The following SLC23A1 variants were observed in gnomAD, a reference collection of about 807,000 sequenced individuals.
SLC23A1 encodes the protein solute carrier family 23 member 1.
A neutral mutation model predicts 62.5 loss-of-function variants in SLC23A1; 31 were observed. The observed-to-expected ratio is 0.50, with a 90% CI of 0.37 to 0.67. SLC23A1 has a LOEUF of 0.67. Among genes scored for constraint, SLC23A1 ranks in the 30% least tolerant of loss-of-function variants. The pLI is 0.00. For synonymous variants in SLC23A1, 271 were observed against 313.2 expected, an observed-to-expected ratio of 0.87 and a Z score of 1.42; for missense variants, 640 against 782.7, an observed-to-expected ratio of 0.82 and a Z score of 2.18.
chr5:139,375,046 C>T (rs770187523), intron 13 of SLC23A1, among the ~76,000 whole-genome samples: 1 of 152,234 alleles, frequency 6.6e-6, no homozygotes, highest in African/African-American at 2.4e-5. Flanking sequence ...TGGCCCTCCT[C>T]TGTCCTCCCC....
chr5:139,384,904 A>G (rs1288501774), upstream of SLC23A1, among the ~76,000 whole-genome samples: 2 of 152,160 alleles, frequency 1.3e-5, no homozygotes, highest in South Asian at 4.1e-4. Flanking sequence ...AGTGAAGGCC[A>G]CGGATGGTGG....
chr5:139,371,018 G>T (rs959775126), intron 14 of SLC23A1, among the ~76,000 whole-genome samples: 5 of 151,922 alleles, frequency 3.3e-5, no homozygotes, highest in Non-Finnish European at 7.4e-5. Flanking sequence ...GGAGGTGGAG[G>T]TTGCAGTGAG....
At chr5:139,380,712 C>T (rs190748656) in intron 4 of SLC23A1, 80 bp from the exon 5 acceptor site, 25 of 1,463,460 alleles carry the variant, frequency 1.7e-5, no homozygotes, top group African/African-American at 1.2e-4. Flanking sequence ...TGGCTGCACC[C>T]TGGTGTTGAC....
Position 139,379,799 on chromosome 5 carries a change from G to A in SLC23A1, c.804C>T (p.Cys268=), listed in dbSNP as rs762141635. 6.2e-6 allele frequency: 10 copies of A among 1,614,048 alleles called. No individual in the cohort carries two copies. The East Asian group carries it at 2.2e-4, about 36-fold the overall frequency. Residue 268 remains cysteine, a synonymous_variant, in exon 8 of 15, where the codon TGC becomes TGT. Transcript: ENST00000348729. The surrounding 1 kb of genome is among the most constrained non-coding windows in gnomAD (Gnocchi z 4.7). ...GCACGTCTGTCAAGGTCAGGACATA[G>A]CAGAGCAGCCACACGGTCATGATGG... is the stretch of plus-strand genomic sequence containing the variant. ...MLAIMTVWLL[C]YVLTLTDVLP... is the part of the protein sequence containing the mutation.
At position 139,379,280 on chromosome 5, in the gene SLC23A1, CAAT is replaced by C. The variant is rs748892606; in HGVS notation, c.997_999del (p.Ile333del). On this transcript the variant is annotated inframe_deletion, in exon 9 of 15. Coordinates refer to ENST00000348729, the MANE Select transcript of SLC23A1 (RefSeq NM_005847.5). The surrounding 1 kb of genome is among the most constrained non-coding windows in gnomAD (Gnocchi z 4.7). ...CAGGCGTAGTAATCTCCGATGGACT[CAAT>C]GATGCCTGCCAGAGTGGCGCTGAAC... is the stretch of plus-strand genomic sequence containing the variant. 8.1e-6 allele frequency: 13 copies of C among 1,614,066 alleles called. No homozygotes were observed. The highest frequency in any genetic ancestry group is 1.1e-5 in the South Asian group (1 of 91,096).
In SLC23A1 at chr5:139,372,252, C is replaced by T; in HGVS notation, c.1551G>A (p.Gly517=). ...GTATCAGACCACGCTCCTCTGGGCT[C>T]CCTGGAAGAGGATAGTGAGGTCATT... is the stretch of plus-strand genomic sequence containing the variant. ...LAFILDNTVP[G]SPEERGLIQW... is the part of the protein sequence containing the mutation. Residue 517 remains glycine, a splice_region_variant and synonymous_variant, in exon 14 of 15, where the codon GGG becomes GGA. Transcript: ENST00000348729. 6.2e-7 allele frequency: 1 copy of T among 1,612,322 alleles called. No individual in the cohort carries two copies. Among genetic ancestry groups the T allele is most frequent in the Non-Finnish European group, 8.5e-7 (1 of 1,178,996 alleles).
chr5:139,378,629 T>A lies in SLC23A1; in HGVS notation c.1129A>T (p.Asn377Tyr). Residue 377 changes from asparagine to tyrosine, a missense_variant, in exon 10 of 15, where the codon AAC becomes TAC. Physicochemically the swap from Asn to Tyr is moderately radical, Grantham distance 143. Coordinates refer to ENST00000348729, the MANE Select transcript of SLC23A1 (RefSeq NM_005847.5). The surrounding 1 kb of genome is among the most constrained non-coding windows in gnomAD (Gnocchi z 4.5). ...CIIAGLLGTG[N>Y]GSTSSSPNIG... Reference sequence around the variant, plus strand: ...TTGGGACTGGACGAGGTGGACCCGTTGCCCGTGCCCAATAGCCCCGCGATG... The same window carrying A: ...TTGGGACTGGACGAGGTGGACCCGTAGCCCGTGCCCAATAGCCCCGCGATG... 1 of 1,612,400 alleles carries A rather than the reference T, an allele frequency of 6.2e-7. No homozygotes were observed. Among genetic ancestry groups the A allele is most frequent in the Non-Finnish European group, 8.5e-7 (1 of 1,179,406 alleles).
At chr5:139,374,998 C>T (rs1757877560) in intron 13 of SLC23A1, among the ~76,000 whole-genome samples, 1 of 152,202 alleles carries the variant, frequency 6.6e-6, no homozygotes, top group African/African-American at 2.4e-5. Flanking sequence ...ACCAAGAGCA[C>T]CTTCCTTTGA....
At chr5:139,368,121 G>A (rs2152058416) in intron 14 of SLC23A1, among the ~76,000 whole-genome samples, 1 of 152,300 alleles carries the variant, frequency 6.6e-6, no homozygotes, top group Admixed American at 6.5e-5. Context: ...GGATCACGAG[G>A]TCAGGAGATC....
At chr5:139,377,926 A>T (rs376252653) in intron 12 of SLC23A1, 49 bp downstream of exon 12, 5 of 1,591,922 alleles carry the variant, frequency 3.1e-6, no homozygotes, top group Non-Finnish European at 1.7e-6. Context: ...GCTGTGCTCA[A>T]AATTTTGGGC....
Position 139,379,779 on chromosome 5 carries a change from T to A in SLC23A1, c.824A>T (p.Asp275Val). 1.2e-6 allele frequency: 2 copies of A among 1,614,050 alleles called. No homozygotes were observed. Among genetic ancestry groups the A allele is most frequent in the South Asian group, 1.1e-5 (1 of 91,078 alleles). ...GGCTTTTGGGTCTGTGGGCAGCACG[T>A]CTGTCAAGGTCAGGACATAGCAGAG... is the stretch of plus-strand genomic sequence containing the variant. The part of the protein sequence containing the change: ...WLLCYVLTLT[D>V]VLPTDPKAYG... The change falls in exon 8 of 15, where the codon GAC becomes GTC. Residue 275 changes from aspartate (D) to valine (V), a missense_variant. Asp to Val is a radical substitution (Grantham distance 152). Coordinates refer to ENST00000348729, the MANE Select transcript of SLC23A1 (RefSeq NM_005847.5). This position sits in a 1 kb window ranked among gnomAD's most constrained non-coding sequence, Gnocchi z 4.7.
At chr5:139,377,888 T>C (rs1213637316) in intron 12 of SLC23A1, 87 bp downstream of exon 12, 3 of 1,346,264 alleles carry the variant, frequency 2.2e-6, no homozygotes, top group Admixed American at 2.1e-5. Flanking sequence ...TTTGTGGCTG[T>C]AGCTGTGTGG....
chr5:139,368,685 C>A, intron 14 of SLC23A1: 1 of 1,272,990 alleles, frequency 7.9e-7, no homozygotes, highest in Non-Finnish European at 1.1e-6. Context: ...TGAATTAGTA[C>A]CTGAAACTGT....
chr5:139,368,918 T>G, intron 14 of SLC23A1: 1 of 687,738 alleles, frequency 1.5e-6, no homozygotes, highest in Non-Finnish European at 2.5e-6. Flanking sequence ...TGCCAAAGTT[T>G]TTGTTAGTCT....
In SLC23A1 at chr5:139,380,284, TG is replaced by T; in HGVS notation, c.570del (p.Thr191LeufsTer30). 6.3e-7 allele frequency: 1 copy of T among 1,592,564 alleles called. No homozygotes were observed. The highest frequency in any genetic ancestry group is 2.3e-5 in the East Asian group (1 of 43,866). On this transcript the variant is annotated frameshift_variant, in exon 6 of 15. Coordinates refer to ENST00000348729, the MANE Select transcript of SLC23A1 (RefSeq NM_005847.5). LOFTEE classifies it high-confidence loss of function. ...LNYIGPLTVTPTVSLIGLSVF... is the reference protein window; with the variant it reads ...LNYIGPLTVTXTVSLIGLSVF... ...ACAGAAAGGCCAATGAGGGAGACAG[TG>T]GGGGTGACTGTGAGAGGCCCAATGT...
In SLC23A1 at chr5:139,372,158, C is replaced by G. The variant is rs2152063944; in HGVS notation, c.1645G>C (p.Gly549Arg). Residue 549 changes from glycine (G) to arginine (R), a missense_variant, in exon 14 of 15, where the codon GGG (glycine) becomes CGG (arginine). Coordinates refer to ENST00000348729, the MANE Select transcript of SLC23A1 (RefSeq NM_005847.5). The part of the protein sequence containing the change: ...SSLKSYDFPI[G>R]MGIVKRITFL... The stretch of plus-strand genomic sequence containing the variant: ...GTAATTCTTTTTACTATGCCCATCC[C>G]AATGGGGAAATCGTAGCTCTTGAGG... 1.2e-6 allele frequency: 2 copies of G among 1,613,192 alleles called. No individual in the cohort carries two copies. The highest frequency in any genetic ancestry group is 2.2e-5 in the South Asian group (2 of 91,064).
intron 14 of SLC23A1, among the ~76,000 whole-genome samples, chr5:139,370,597 G>A (rs1171467596): frequency 5.3e-5 from 8 of 151,570 alleles, no homozygotes; most frequent in Admixed American, 1.3e-4. Context: ...GGGCTCAAGT[G>A]ATTCTCCTGT....
In SLC23A1 at chr5:139,380,267, G is replaced by A. The variant is rs200044358; in HGVS notation, c.588C>T (p.Gly196=). 3.8e-6 allele frequency: 6 copies of A among 1,581,476 alleles called. No individual in the cohort carries two copies. Among genetic ancestry groups the A allele is most frequent in the Non-Finnish European group, 5.2e-6 (6 of 1,163,758 alleles). ...LTVTPTVSLI[G]LSVFQAAGDR... Reference sequence around the variant, plus strand: ...CGCCAGCAGCTTGGAAGACAGAAAGGCCAATGAGGGAGACAGTGGGGGTGA... The same window carrying A: ...CGCCAGCAGCTTGGAAGACAGAAAGACCAATGAGGGAGACAGTGGGGGTGA... Residue 196 remains glycine (G), a synonymous_variant, in exon 6 of 15, where the codon GGC becomes GGT. Coordinates refer to ENST00000348729, the MANE Select transcript of SLC23A1 (RefSeq NM_005847.5).
At position 139,378,192 on chromosome 5, in the gene SLC23A1, C is replaced by T. The variant is rs767990610; in HGVS notation, c.1309+30G>A. 6.2e-7 allele frequency: 1 copy of T among 1,612,906 alleles called. No individual in the cohort carries two copies. The highest frequency in any genetic ancestry group is 8.5e-7 in the Non-Finnish European group (1 of 1,179,458). On this transcript the variant is annotated intron_variant, in intron 11 of 14. Coordinates refer to ENST00000348729, the MANE Select transcript of SLC23A1 (RefSeq NM_005847.5). This position sits in a 1 kb window ranked among gnomAD's most constrained non-coding sequence, Gnocchi z 4.5. ...GTGAGTCCCACTCGGCGACCCGCACCGCGACCCGTGGCCCGCGCCAGACAC... is the reference window on the plus strand; with the variant it reads ...GTGAGTCCCACTCGGCGACCCGCACTGCGACCCGTGGCCCGCGCCAGACAC...
Sources: allele counts gnomAD v4.1 joint callset (sites outside exome capture counted in the v4.1 genomes callset), GRCh38; gene constraint gnomAD v4.1.1; non-coding constraint Gnocchi (gnomAD v3.1); transcripts MANE v1.5; gene names NCBI Gene and HGNC (gene_info 2026-07-23, HGNC 2026-07-21).